LRRC3B: variants seen among roughly 807,000 people sequenced by gnomAD.
LRRC3B encodes the protein leucine-rich repeat-containing protein 3B.
A neutral mutation model predicts 12.8 loss-of-function variants in LRRC3B; 2 were observed. The observed-to-expected ratio is 0.16, with a 90% CI of 0.06 to 0.49. The LOEUF is 0.49. Among genes scored for constraint, LRRC3B ranks in the 20% least tolerant of loss-of-function variants. LRRC3B has a pLI of 0.96. For missense variants in LRRC3B, 189 were observed against 319.4 expected, an observed-to-expected ratio of 0.59 and a Z score of 3.11; for synonymous variants, 132 against 122.0, an observed-to-expected ratio of 1.08 and a Z score of -0.54.
chr3:26,664,588 A>C (rs1328120539), intron 1 of LRRC3B, among the ~76,000 whole-genome samples: 1 of 152,080 alleles, frequency 6.6e-6, no homozygotes, highest in Non-Finnish European at 1.5e-5. Context: ...GTCCTATGAA[A>C]TTGAATTATT....
intron 1 of LRRC3B, among the ~76,000 whole-genome samples, chr3:26,648,797 T>C (rs562064507): frequency 6.6e-6 from 1 of 152,358 alleles, no homozygotes; most frequent in Non-Finnish European, 1.5e-5. Context: ...CTTTGAAGAA[T>C]GGGCAGTTGC....
Position 26,656,461 on chromosome 3 carries a change from CTG to C in LRRC3B, c.-161+33226_-161+33227del, listed in dbSNP as rs534421971. ...GCTTCCAAGTTTGCCACTGTTATCT[CTG>C]TTACTGTTAGCCACAAGGCAACAAA... is the stretch of plus-strand genomic sequence containing the variant. On this transcript the variant is annotated intron_variant, in intron 1 of 1. Coordinates refer to ENST00000396641, the Ensembl canonical transcript of LRRC3B. Among the ~76,000 whole-genome samples, 3 of 152,288 alleles carry C rather than the reference CTG, an allele frequency of 2.0e-5. No individual in the cohort carries two copies. The South Asian group carries it at 6.2e-4, about 32-fold the overall frequency.
chr3:26,654,633 T>A (rs142665535), intron 1 of LRRC3B, among the ~76,000 whole-genome samples: 114 of 152,146 alleles, frequency 7.5e-4, no homozygotes, highest in African/African-American at 2.7e-3. Context: ...TGAGAAAGTG[T>A]GTAGTGGGAC....
At chr3:26,637,648 A>G (rs1303019604) in intron 1 of LRRC3B, among the ~76,000 whole-genome samples, 1 of 152,212 alleles carries the variant, frequency 6.6e-6, no homozygotes, top group Non-Finnish European at 1.5e-5. Flanking sequence ...TGCCTAGAGC[A>G]GGAGATTTAG....
chr3:26,669,809 C>T (rs1423197340), intron 1 of LRRC3B, among the ~76,000 whole-genome samples: 6 of 152,164 alleles, frequency 3.9e-5, no homozygotes, highest in Non-Finnish European at 8.8e-5. Flanking sequence ...ACAGATACCC[C>T]TCACAGGCTG....
intron 1 of LRRC3B, among the ~76,000 whole-genome samples, chr3:26,697,398 G>GTGTT (rs1700344179): frequency 6.6e-6 from 1 of 152,090 alleles, no homozygotes; most frequent in Non-Finnish European, 1.5e-5. Context: ...CTTTTCTTCT[G>GTGTT]TGTTAGATCT....
intron 1 of LRRC3B, among the ~76,000 whole-genome samples, chr3:26,638,263 A>T (rs150392187): frequency 6.6e-6 from 1 of 152,202 alleles, no homozygotes; most frequent in African/African-American, 2.4e-5. Context: ...ATATAAAAAA[A>T]ATTTCAGGAT....
intron 1 of LRRC3B, among the ~76,000 whole-genome samples, chr3:26,691,105 G>GTATATATATATATATATATATA (rs1553605090): frequency 2.4e-5 from 2 of 84,832 alleles, no homozygotes; most frequent in Non-Finnish European, 4.4e-5. Flanking sequence ...GTGTGTGTGT[G>GTATATATATATATATATATATA]TATATATATA....
At chr3:26,672,399 G>C (rs900424530) in intron 1 of LRRC3B, among the ~76,000 whole-genome samples, 3 of 152,122 alleles carry the variant, frequency 2.0e-5, no homozygotes, top group African/African-American at 7.2e-5. Flanking sequence ...TTGATGCAGA[G>C]ATATGAAAAT....
exon 2 of LRRC3B, chr3:26,710,506 G>C (rs754688643): frequency 6.7e-7 from 1 of 1,485,192 alleles, no homozygotes; most frequent in Non-Finnish European, 9.0e-7. Context: ...GATTGCAGTA[G>C]AAATAAGTGG....
chr3:26,649,814 G>A (rs1430580961), intron 1 of LRRC3B, among the ~76,000 whole-genome samples: 2 of 152,146 alleles, frequency 1.3e-5, no homozygotes, highest in Non-Finnish European at 2.9e-5. Context: ...CTCCTAAGAT[G>A]TTGCATGGTG....
chr3:26,627,048 T>C (rs931267329), intron 1 of LRRC3B, among the ~76,000 whole-genome samples: 4 of 152,240 alleles, frequency 2.6e-5, no homozygotes, highest in African/African-American at 9.6e-5. Flanking sequence ...AATATATTTC[T>C]GTACTTGGGG....
intron 1 of LRRC3B, among the ~76,000 whole-genome samples, chr3:26,681,567 A>G (rs1699971573): frequency 6.6e-6 from 1 of 152,226 alleles, no homozygotes; most frequent in Admixed American, 6.5e-5. Context: ...TATCTGTAAA[A>G]GGGGATGATA....
rs750921684 is a variant in LRRC3B, at chr3:26,630,961, G to C, written c.-161+7724G>C. Among the ~76,000 whole-genome samples, 3 of 152,166 alleles carry C rather than the reference G, an allele frequency of 2.0e-5. No homozygotes were observed. In the East Asian group the frequency reaches 5.8e-4, roughly 29 times the overall value. ...TGCTTTAGCTCTCTGGGATCTTCTA[G>C]CTGTGTTAGCACTTTGGGATCTTCC... is the stretch of plus-strand genomic sequence containing the variant. On this transcript the variant is annotated intron_variant, in intron 1 of 1. Transcript: ENST00000396641.
intron 1 of LRRC3B, among the ~76,000 whole-genome samples, chr3:26,688,842 G>T (rs565624848): frequency 2.6e-5 from 4 of 152,322 alleles, no homozygotes; most frequent in Admixed American, 2.0e-4. Context: ...CCTGGCTAGA[G>T]TACAGTTTTT....
intron 1 of LRRC3B, among the ~76,000 whole-genome samples, chr3:26,676,974 A>G (rs1435068692): frequency 3.3e-5 from 5 of 152,150 alleles, no homozygotes; most frequent in African/African-American, 1.2e-4. Context: ...TACTTCCAAA[A>G]TCACAATATA....
chr3:26,703,760 C>T (rs747957095), intron 1 of LRRC3B, among the ~76,000 whole-genome samples: 21 of 151,222 alleles, frequency 1.4e-4, no homozygotes, highest in African/African-American at 2.9e-4. Flanking sequence ...GGCCACTGTC[C>T]GTTTGTATAT....
intron 1 of LRRC3B, among the ~76,000 whole-genome samples, chr3:26,634,229 G>A (rs901264236): frequency 2.6e-5 from 4 of 152,192 alleles, no homozygotes; most frequent in Admixed American, 6.5e-5. Flanking sequence ...ATGCCTTGCT[G>A]TGAGGAGCTT....
intron 1 of LRRC3B, among the ~76,000 whole-genome samples, chr3:26,655,285 A>G (rs1699350613): frequency 6.6e-6 from 1 of 152,236 alleles, no homozygotes; most frequent in Non-Finnish European, 1.5e-5. Flanking sequence ...ATAGTCATAG[A>G]GCAAACATTA....
Sources: gnomAD v4.1 joint callset for allele counts (sites outside exome capture counted in the v4.1 genomes callset) on GRCh38, gnomAD v4.1.1 for gene constraint, MANE v1.5 for transcripts, NCBI Gene and HGNC (gene_info 2026-07-23, HGNC 2026-07-21) for gene names.